The following ATXN7L1 variants were observed in gnomAD, a reference collection of about 807,000 sequenced individuals.
The protein encoded by ATXN7L1 is ataxin 7 like 1, also known as ataxin-7-like protein 1.
In ATXN7L1, 15 loss-of-function variants were observed where a neutral mutation model predicts 70.8. The ratio of observed to expected loss-of-function variants is 0.21; its 90% CI spans 0.14 to 0.33. The LOEUF is 0.33. ATXN7L1 is among the 10% of genes least tolerant of loss of function. The pLI is 1.00. For missense variants in ATXN7L1, 975 were observed against 1,097.1 expected, an observed-to-expected ratio of 0.89 and a Z score of 1.57; for synonymous variants, 440 against 445.1, an observed-to-expected ratio of 0.99 and a Z score of 0.14.
At chr7:105,843,906 A>C (rs1304351229) in intron 2 of ATXN7L1, among the ~76,000 whole-genome samples, 1 of 152,224 alleles carries the variant, frequency 6.6e-6, no homozygotes, top group Non-Finnish European at 1.5e-5. Context: ...CTCACAGTTC[A>C]ATGGATTGAC....
At chr7:105,765,639 G>T (rs984390467) in intron 3 of ATXN7L1, among the ~76,000 whole-genome samples, 4 of 152,116 alleles carry the variant, frequency 2.6e-5, no homozygotes, top group Non-Finnish European at 5.9e-5. Flanking sequence ...CCCCTAAAAG[G>T]TTTCCAGTAT....
intron 2 of ATXN7L1, among the ~76,000 whole-genome samples, chr7:105,869,848 A>G (rs1817989879): frequency 6.6e-6 from 1 of 152,224 alleles, no homozygotes; most frequent in South Asian, 2.1e-4. Flanking sequence ...CGATCATTGA[A>G]AAAAGTTTTT....
chr7:105,698,134 TG>T (rs1410320602), intron 3 of ATXN7L1, among the ~76,000 whole-genome samples: 1 of 152,202 alleles, frequency 6.6e-6, no homozygotes, highest in Non-Finnish European at 1.5e-5. Context: ...TGGGCTCTAG[TG>T]CCTGACATTG....
chr7:105,619,178 CCCTCTGT>C (rs1794430429), intron 9 of ATXN7L1, among the ~76,000 whole-genome samples: 1 of 61,882 alleles, frequency 1.6e-5, no homozygotes, highest in African/African-American at 5.6e-5. Flanking sequence ...GACGGAGTCT[CCCTCTGT>C]CACCCAGGGT....
intron 3 of ATXN7L1, chr7:105,761,589 C>A (rs1223362253): frequency 3.3e-6 from 4 of 1,199,742 alleles, no homozygotes; most frequent in Non-Finnish European, 4.7e-6. Flanking sequence ...ACACTGGTTG[C>A]TTAAATGCGT....
Position 105,624,216 on chromosome 7 carries a change from G to A in ATXN7L1, c.1254C>T (p.Gly418=), listed in dbSNP as rs1795339012. The change falls in exon 8 of 12, where the codon GGC becomes GGT. Residue 418 remains glycine, a synonymous_variant. Coordinates refer to ENST00000419735, the MANE Select transcript of ATXN7L1 (RefSeq NM_020725.2). ...GTGGGAGTGGGGGCTCTGGAGTGTG[G>A]CCGCTATGATTTGAAGATGTGCTGC... ...ISSSTSSNHS[G]HTPEPPLPPV... 2 of 1,512,928 alleles carry A rather than the reference G, an allele frequency of 1.3e-6. No individual in the cohort carries two copies. The highest frequency in any genetic ancestry group is 2.8e-5 in the African/African-American group (2 of 71,438). 93.7% of individuals were successfully genotyped at this position (1,512,928 alleles called of 1,614,324 possible).
At chr7:105,665,026 G>A (rs893977311) in intron 4 of ATXN7L1, 40 bp downstream of exon 4, 9 of 1,503,084 alleles carry the variant, frequency 6.0e-6, no homozygotes, top group Admixed American at 5.9e-5. Context: ...GGAACAGCAG[G>A]GGGGACAGAC....
chr7:105,673,897 AG>A (rs1038797015), intron 3 of ATXN7L1, among the ~76,000 whole-genome samples: 1 of 152,202 alleles, frequency 6.6e-6, no homozygotes, highest in African/African-American at 2.4e-5. Context: ...CCATGGTGTA[AG>A]GGGGGATATT....
At chr7:105,640,735 G>C (rs1441226454) in intron 5 of ATXN7L1, among the ~76,000 whole-genome samples, 1 of 152,230 alleles carries the variant, frequency 6.6e-6, no homozygotes, top group Non-Finnish European at 1.5e-5. Context: ...ATATTGCCCA[G>C]GGTAGGTGAT....
chr7:105,626,758 T>TA (rs145113711), intron 7 of ATXN7L1, among the ~76,000 whole-genome samples: 4,677 of 151,750 alleles, frequency 0.031, 246 homozygotes, highest in African/African-American at 0.11. Flanking sequence ...GGCTGAAACA[T>TA]AAAAAAAAGA....
At chr7:105,608,972 CA>C (rs1271659459) in intron 11 of ATXN7L1, among the ~76,000 whole-genome samples, 1 of 152,174 alleles carries the variant, frequency 6.6e-6, no homozygotes, top group Non-Finnish European at 1.5e-5. Context: ...CCTCCCTAGA[CA>C]CATATGCACA....
intron 2 of ATXN7L1, among the ~76,000 whole-genome samples, chr7:105,803,575 C>T (rs964800391): frequency 2.0e-5 from 3 of 152,180 alleles, no homozygotes; most frequent in African/African-American, 7.2e-5. Flanking sequence ...GGCAGCGGGA[C>T]AGGTTAATGG....
chr7:105,668,940 A>G (rs1273726250), intron 3 of ATXN7L1, among the ~76,000 whole-genome samples: 2 of 151,986 alleles, frequency 1.3e-5, no homozygotes, highest in African/African-American at 4.8e-5. Flanking sequence ...GCAGAGACAA[A>G]GTCTCTCTAT....
At chr7:105,845,140 G>A (rs888403374) in intron 2 of ATXN7L1, among the ~76,000 whole-genome samples, 5 of 135,858 alleles carry the variant, frequency 3.7e-5, no homozygotes, top group Non-Finnish European at 7.7e-5. Flanking sequence ...GGGAGGCGGA[G>A]GTTGCAGTGA....
Position 105,637,110 on chromosome 7 carries a change from A to T in ATXN7L1, c.1202+1243T>A, listed in dbSNP as rs143210870. Among the ~76,000 whole-genome samples the T allele has an allele frequency of 5.2e-3, 793 of 152,290 alleles. 8 individuals carry two copies. Among genetic ancestry groups the T allele is most frequent in the African/African-American group, 0.015 (626 of 41,560 alleles). On this transcript the variant is annotated intron_variant, in intron 7 of 11. Coordinates refer to ENST00000419735, the MANE Select transcript of ATXN7L1 (RefSeq NM_020725.2). ...TGTCAACGGTGACAGTAACGCCACG[A>T]TGGTGAGCATGATGGAAGTGTTGGG...
chr7:105,859,957 AT>A (rs1363643422), intron 2 of ATXN7L1, among the ~76,000 whole-genome samples: 1 of 148,522 alleles, frequency 6.7e-6, no homozygotes, highest in Non-Finnish European at 1.5e-5. Flanking sequence ...TAATTTTTGT[AT>A]TTTTAGTAGA....
chr7:105,665,802 C>T (rs889906862), intron 3 of ATXN7L1, among the ~76,000 whole-genome samples: 11 of 152,180 alleles, frequency 7.2e-5, no homozygotes, highest in Non-Finnish European at 1.2e-4. Context: ...GAGGAAGTGG[C>T]CCAGCAGCTG....
intron 2 of ATXN7L1, among the ~76,000 whole-genome samples, chr7:105,794,574 T>C (rs994488413): frequency 2.6e-5 from 4 of 152,234 alleles, no homozygotes; most frequent in Non-Finnish European, 5.9e-5. Context: ...AATGGAAAAT[T>C]ATATTCATCA....
At chr7:105,874,145 ATC>A (rs982868288) in intron 2 of ATXN7L1, among the ~76,000 whole-genome samples, 1 of 150,790 alleles carries the variant, frequency 6.6e-6, no homozygotes, top group African/African-American at 2.5e-5. Flanking sequence ...AAAAAAAAAA[ATC>A]TGTTTCTCAT....
Sources: gnomAD v4.1 joint callset for allele counts (sites outside exome capture counted in the v4.1 genomes callset) on GRCh38, gnomAD v4.1.1 for gene constraint, MANE v1.5 for transcripts, NCBI Gene and HGNC (gene_info 2026-07-23, HGNC 2026-07-21) for gene names.